TPRG1: variants seen among roughly 807,000 people sequenced by gnomAD.
TPRG1 encodes tumor protein p63-regulated gene 1 protein.
TPRG1 carries 29 observed loss-of-function variants against 29.3 expected under a neutral mutation model. The observed-to-expected ratio is 0.99, with a 90% CI of 0.74 to 1.35. The LOEUF (loss-of-function observed/expected upper bound fraction) is 1.35. TPRG1 is among the 40% of genes most tolerant of loss of function. The pLI is 0.00. For synonymous variants in TPRG1, 130 were observed against 116.8 expected, an observed-to-expected ratio of 1.11 and a Z score of -0.73; for missense variants, 327 against 335.0, an observed-to-expected ratio of 0.98 and a Z score of 0.19.
chr3:189,247,813 T>G lies in TPRG1; in HGVS notation c.479+8904T>G, dbSNP rs112846602. The stretch of plus-strand genomic sequence containing the variant: ...TTAAAAATGGTCACACATTTCTTAT[T>G]ATTGAAACATTTTGGCAGGTTCAAG... On this transcript the variant is annotated intron_variant, in intron 4 of 5. Transcript: ENST00000345063. Among the ~76,000 whole-genome samples, 879 of 152,128 alleles carry G rather than the reference T, an allele frequency of 5.8e-3. 12 individuals are homozygous for G. The highest frequency in any genetic ancestry group is 0.02 in the African/African-American group (849 of 41,574).
intron 4 of TPRG1, among the ~76,000 whole-genome samples, chr3:189,056,394 C>A (rs944749458): frequency 1.4e-4 from 21 of 152,122 alleles, no homozygotes; most frequent in African/African-American, 5.1e-4. Flanking sequence ...CCATGCCCAG[C>A]CTAGCAGAGG....
chr3:189,090,127 C>T (rs1371003515), intron 4 of TPRG1, among the ~76,000 whole-genome samples: 1 of 151,988 alleles, frequency 6.6e-6, no homozygotes, highest in Non-Finnish European at 1.5e-5. Context: ...ATAGTAAATG[C>T]ATTTAAGAAC....
intron 3 of TPRG1, among the ~76,000 whole-genome samples, chr3:189,142,780 G>C (rs907243871): frequency 2.0e-5 from 3 of 152,202 alleles, no homozygotes; most frequent in African/African-American, 4.8e-5. Flanking sequence ...ACAGAAACCA[G>C]AGGCTTGTGA....
chr3:189,206,835 G>A (rs1004346307), intron 1 of TPRG1, among the ~76,000 whole-genome samples: 2 of 151,846 alleles, frequency 1.3e-5, no homozygotes, highest in African/African-American at 4.8e-5. Flanking sequence ...GTGTGCACGC[G>A]TGTATGCATG....
intron 5 of TPRG1, among the ~76,000 whole-genome samples, chr3:189,312,651 G>C (rs1387982774): frequency 6.6e-6 from 1 of 152,140 alleles, no homozygotes; most frequent in African/African-American, 2.4e-5. Flanking sequence ...ATAAACTGCA[G>C]AGAAATAACA....
chr3:189,040,966 G>A (rs1017116732), intron 4 of TPRG1, among the ~76,000 whole-genome samples: 63 of 152,072 alleles, frequency 4.1e-4, no homozygotes, highest in Admixed American at 3.3e-4. Context: ...AGCCCTGGTC[G>A]CCCCTCCACA....
chr3:189,052,351 C>A (rs965538213), intron 4 of TPRG1, among the ~76,000 whole-genome samples: 2 of 152,192 alleles, frequency 1.3e-5, no homozygotes, highest in Non-Finnish European at 2.9e-5. Context: ...TGCTCAACAT[C>A]ACTGATGATC....
At chr3:189,040,575 T>A (rs1310249783) in intron 4 of TPRG1, among the ~76,000 whole-genome samples, 2 of 152,126 alleles carry the variant, frequency 1.3e-5, no homozygotes, top group Non-Finnish European at 2.9e-5. Context: ...GGGAGCACAA[T>A]GCCATTCTGT....
intron 4 of TPRG1, among the ~76,000 whole-genome samples, chr3:189,284,076 C>T (rs1717609930): frequency 6.6e-6 from 1 of 152,150 alleles, no homozygotes; most frequent in Admixed American, 6.5e-5. Context: ...GACATGTATC[C>T]TCTGTAGTCT....
chr3:189,216,377 G>A (rs769668852), intron 3 of TPRG1, among the ~76,000 whole-genome samples: 12 of 152,112 alleles, frequency 7.9e-5, no homozygotes, highest in Non-Finnish European at 1.5e-4. Flanking sequence ...CAGGCCAGCA[G>A]AACAAATTTT....
chr3:189,119,118 G>T (rs1224239243), intron 1 of TPRG1, among the ~76,000 whole-genome samples: 3 of 152,228 alleles, frequency 2.0e-5, no homozygotes, highest in African/African-American at 7.2e-5. Context: ...TGTTGTGGGA[G>T]ACCACCTTTT....
At chr3:189,086,526 ATT>A (rs111588968) in intron 4 of TPRG1, among the ~76,000 whole-genome samples, 45 of 137,128 alleles carry the variant, frequency 3.3e-4, no homozygotes, top group Admixed American at 5.9e-4. Context: ...CACCCAGCTA[ATT>A]TTTTTTTTTT....
rs1449010986 is a variant in TPRG1, at chr3:189,324,861, C to T, written c.*4041C>T. 5.3e-5 allele frequency: 8 copies of T among 152,160 alleles called. No homozygotes were observed. Among genetic ancestry groups the T allele is most frequent in the African/African-American group, 1.9e-4 (8 of 41,446 alleles). 9.4% of individuals were successfully genotyped at this position (152,160 alleles called of 1,614,324 possible). ...TGAATGCTCATTGGCTCTTGGCCAA[C>T]AATTATACAAGGGCTTGTGCCCACA... On this transcript the variant is annotated 3_prime_UTR_variant, in exon 6 of 6. Coordinates refer to ENST00000345063, the MANE Select transcript of TPRG1 (RefSeq NM_198485.4).
chr3:189,224,585 CTGG>C (rs940330973), intron 3 of TPRG1, among the ~76,000 whole-genome samples: 1 of 151,982 alleles, frequency 6.6e-6, no homozygotes, highest in African/African-American at 2.4e-5. Flanking sequence ...TTCAATGTGG[CTGG>C]ATTATAGTGA....
upstream of TPRG1, among the ~76,000 whole-genome samples, chr3:189,171,149 A>AT (rs570334124): frequency 3.8e-4 from 58 of 152,226 alleles, no homozygotes; most frequent in Admixed American, 3.9e-4. Flanking sequence ...ATTCTATTTC[A>AT]TTTTTTTAGC....
At chr3:189,078,960 A>T (rs1003792791) in intron 4 of TPRG1, among the ~76,000 whole-genome samples, 19 of 152,188 alleles carry the variant, frequency 1.2e-4, no homozygotes, top group African/African-American at 4.6e-4. Context: ...TATTGAGGGA[A>T]TACTTTAGGC....
intron 4 of TPRG1, among the ~76,000 whole-genome samples, chr3:189,053,921 C>T (rs964328202): frequency 2.0e-5 from 3 of 152,196 alleles, no homozygotes; most frequent in Non-Finnish European, 2.9e-5. Flanking sequence ...TTTGTATCTG[C>T]AATAAGGCTG....
In TPRG1 at chr3:189,323,491, G is replaced by A. The variant is rs1322535720; in HGVS notation, c.*2671G>A. 1 of 152,120 alleles carries A rather than the reference G, an allele frequency of 6.6e-6. No homozygotes were observed. Among genetic ancestry groups the A allele is most frequent in the Non-Finnish European group, 1.5e-5 (1 of 68,000 alleles). The allele number at this position is 152,120 out of a possible 1,614,324, so 9.4% of individuals were successfully genotyped here. On this transcript the variant is annotated 3_prime_UTR_variant, in exon 6 of 6. Transcript: ENST00000345063. ...ACAGAAAGTTTTGAGTATTTGCCTA[G>A]AGAGTGATGTGACTTTTGCAGCAGA... is the stretch of plus-strand genomic sequence containing the variant.
chr3:189,216,644 T>G (rs1446080634), intron 3 of TPRG1, among the ~76,000 whole-genome samples: 1 of 152,218 alleles, frequency 6.6e-6, no homozygotes, highest in African/African-American at 2.4e-5. Flanking sequence ...GTGCCCCTCT[T>G]CGTTCACAAG....
Sources: allele counts gnomAD v4.1 joint callset (sites outside exome capture counted in the v4.1 genomes callset), GRCh38; gene constraint gnomAD v4.1.1; transcripts MANE v1.5; gene names NCBI Gene and HGNC (gene_info 2026-07-23, HGNC 2026-07-21).